The following KIF5C variants were observed in gnomAD, a reference collection of about 807,000 sequenced individuals.
KIF5C encodes the protein kinesin heavy chain isoform 5C.
A neutral mutation model predicts 125.2 loss-of-function variants in KIF5C; 18 were observed. That is an observed-to-expected ratio of 0.14 (90% confidence interval 0.10 to 0.21). The LOEUF (loss-of-function observed/expected upper bound fraction) is 0.21. Ranked by LOEUF, KIF5C falls within the 10% of genes least tolerant of loss-of-function variation. The pLI, the probability that KIF5C is intolerant of heterozygous loss-of-function variation, is 1.00. For synonymous variants in KIF5C, 405 were observed against 434.0 expected (o/e 0.93, Z 0.83); for missense variants, 780 against 1,183.8 (o/e 0.66, Z 5.01).
In KIF5C at chr2:148,924,474, C is replaced by T. The variant is rs1681913669; in HGVS notation, c.217+2247C>T. ...CTCTCTCTGGTTTTTCATTCCCTACCACTTCACTGGGTTAAAAAAAATATA... is the reference window on the plus strand; with the variant it reads ...CTCTCTCTGGTTTTTCATTCCCTACTACTTCACTGGGTTAAAAAAAATATA... On this transcript the variant is annotated intron_variant, in intron 2 of 25. Transcript: ENST00000435030. The surrounding 1 kb of genome is among the most constrained non-coding windows in gnomAD (Gnocchi z 4.0). Among the ~76,000 whole-genome samples, 1 of 149,122 alleles carries T rather than the reference C, an allele frequency of 6.7e-6. No individual in the cohort carries two copies. The highest frequency in any genetic ancestry group is 2.6e-5 in the African/African-American group (1 of 38,834).
intron 15 of KIF5C, among the ~76,000 whole-genome samples, chr2:148,985,407 G>A (rs758380984): frequency 3.3e-5 from 5 of 152,166 alleles, no homozygotes; most frequent in Admixed American, 2.6e-4. Context: ...CATCAGCACC[G>A]TTAAGATAAT....
At chr2:148,934,220 A>G (rs1477171916) in intron 3 of KIF5C, among the ~76,000 whole-genome samples, 6 of 149,890 alleles carry the variant, frequency 4.0e-5, no homozygotes, top group Non-Finnish European at 7.4e-5. Flanking sequence ...CTCCACATAC[A>G]TCATACATAT....
intron 25 of KIF5C, among the ~76,000 whole-genome samples, chr2:149,018,567 G>A (rs776309847): frequency 1.2e-4 from 19 of 152,148 alleles, no homozygotes; most frequent in African/African-American, 3.4e-4. Context: ...GGTGGCTCAC[G>A]CCTATAATCC....
intron 8 of KIF5C, chr2:148,947,840 A>C: frequency 2.2e-6 from 1 of 455,602 alleles, no homozygotes; most frequent in Non-Finnish European, 4.4e-6. Context: ...CATCATGCTG[A>C]TTGTCCCCAT....
At chr2:149,008,683 C>CT (rs1682085480) in intron 23 of KIF5C, among the ~76,000 whole-genome samples, 1 of 152,174 alleles carries the variant, frequency 6.6e-6, no homozygotes, top group African/African-American at 2.4e-5. Flanking sequence ...TGGATACTTT[C>CT]TTTTTAAATG....
At chr2:148,987,946 AG>A (rs942698555) in intron 15 of KIF5C, among the ~76,000 whole-genome samples, 70 of 152,190 alleles carry the variant, frequency 4.6e-4, no homozygotes, top group African/African-American at 1.7e-3. Flanking sequence ...TCCATGCTTG[AG>A]AGATGGGGGT....
chr2:148,978,906 T>A lies in KIF5C; in HGVS notation c.1294-16T>A, dbSNP rs201928440. 134 of 1,580,500 alleles carry A rather than the reference T, an allele frequency of 8.5e-5. No homozygotes were observed. The highest frequency in any genetic ancestry group is 1.1e-4 in the Non-Finnish European group (131 of 1,166,084). ...ACATAACTAACCAAAAAAACAAACA[T>A]GATGTTTCGTTTCAGGATGATGAAA... On this transcript the variant is annotated splice_polypyrimidine_tract_variant and intron_variant, in intron 12 of 25. Transcript: ENST00000435030.
rs1458201901 is a variant in KIF5C at position 148,994,602 on chromosome 2, C to T, written c.2023+64C>T. On this transcript the variant is annotated intron_variant, in intron 17 of 25. Coordinates refer to ENST00000435030, the MANE Select transcript of KIF5C (RefSeq NM_004522.3). ...CCTGAGTCAGACAGCCTCTGGTTGG[C>T]TGGAATCATGATGTTTAGTTTCGTT... 5.3e-6 allele frequency: 8 copies of T among 1,515,820 alleles called. No individual in the cohort carries two copies. In the East Asian group the frequency reaches 2.0e-4, roughly 38 times the overall value. 93.9% of individuals were successfully genotyped at this position (1,515,820 alleles called of 1,614,324 possible).
At chr2:148,972,894 C>G (rs1680957083) in intron 11 of KIF5C, among the ~76,000 whole-genome samples, 1 of 152,148 alleles carries the variant, frequency 6.6e-6, no homozygotes, top group African/African-American at 2.4e-5. Flanking sequence ...CAGTGTGTTT[C>G]TTTATTTGGC....
chr2:148,949,613 T>C (rs1682609486), intron 8 of KIF5C, among the ~76,000 whole-genome samples: 1 of 152,178 alleles, frequency 6.6e-6, no homozygotes, highest in South Asian at 2.1e-4. Flanking sequence ...TTGAGGTATT[T>C]CAGCTATTCC....
chr2:148,875,851 C>T, intron 1 of KIF5C, 108 bp downstream of exon 1: 1 of 1,391,836 alleles, frequency 7.2e-7, no homozygotes, highest in African/African-American at 1.5e-5. Flanking sequence ...GACATTCCCG[C>T]GGGGCTGGCC....
At chr2:148,883,864 A>G (rs1219065469) in intron 1 of KIF5C, 1 of 152,054 alleles carries the variant, frequency 6.6e-6, no homozygotes, top group African/African-American at 2.4e-5. Flanking sequence ...GACTTGCCCA[A>G]TTATTTTGTT....
intron 19 of KIF5C, among the ~76,000 whole-genome samples, chr2:148,999,698 AAG>A (rs1202680500): frequency 6.6e-6 from 1 of 152,216 alleles, no homozygotes; most frequent in Non-Finnish European, 1.5e-5. Flanking sequence ...AAGAGGGAGA[AAG>A]AGGGTTGGTT....
At chr2:148,973,111 G>A (rs1327469270) in intron 11 of KIF5C, among the ~76,000 whole-genome samples, 3 of 152,192 alleles carry the variant, frequency 2.0e-5, no homozygotes, top group South Asian at 2.1e-4. Flanking sequence ...GATGCATCTT[G>A]AGAGGGGAGG....
chr2:148,898,531 C>A (rs557202790), intron 1 of KIF5C, among the ~76,000 whole-genome samples: 1 of 152,268 alleles, frequency 6.6e-6, no homozygotes, highest in South Asian at 2.1e-4. Flanking sequence ...CACAGGGATT[C>A]TTAAATGGGG....
chr2:149,023,929 G>A lies in KIF5C; in HGVS notation c.*859G>A, dbSNP rs1426903024. ...CTGATCGTTCTGAAGCTTGCATTGG[G>A]AATGGCTGCTTTCTCTAACCATTTT... is the stretch of plus-strand genomic sequence containing the variant. On this transcript the variant is annotated 3_prime_UTR_variant, in exon 26 of 26. Transcript: ENST00000435030. The A allele has an allele frequency of 2.6e-5, 4 of 152,122 alleles. No homozygotes were observed. Among genetic ancestry groups the A allele is most frequent in the Non-Finnish European group, 4.4e-5 (3 of 68,024 alleles). 9.4% of individuals were successfully genotyped at this position (152,122 alleles called of 1,614,324 possible).
At chr2:149,021,073 G>T (rs1409436171) in intron 25 of KIF5C, among the ~76,000 whole-genome samples, 2 of 151,954 alleles carry the variant, frequency 1.3e-5, no homozygotes, top group African/African-American at 4.8e-5. Context: ...TTTTGTTTTT[G>T]TTTTTTTGAG....
intron 11 of KIF5C, among the ~76,000 whole-genome samples, chr2:148,972,330 A>G (rs58527922): frequency 0.018 from 2,666 of 152,280 alleles, 70 homozygotes; most frequent in African/African-American, 0.061. Flanking sequence ...GAGGCTTGGA[A>G]TACTGCAGAC....
chr2:148,904,147 T>A (rs910639981), intron 1 of KIF5C, among the ~76,000 whole-genome samples: 2 of 152,250 alleles, frequency 1.3e-5, no homozygotes, highest in African/African-American at 4.8e-5. Flanking sequence ...CCAGTAATTA[T>A]GTTTAATTAC....
Sources: allele counts gnomAD v4.1 joint callset (sites outside exome capture counted in the v4.1 genomes callset), GRCh38; gene constraint gnomAD v4.1.1; non-coding constraint Gnocchi (gnomAD v3.1); transcripts MANE v1.5; gene names NCBI Gene and HGNC (gene_info 2026-07-23, HGNC 2026-07-21).